Variants in HS3ST4 observed in about 807,000 individuals in gnomAD.
HS3ST4 encodes the protein heparan sulfate-glucosamine 3-sulfotransferase 4, also known as heparan sulfate glucosamine 3-O-sulfotransferase 4.
Under a neutral mutation model 29.2 loss-of-function variants are expected in HS3ST4, and 17 were observed. That is an observed-to-expected ratio of 0.58 (90% confidence interval 0.40 to 0.87). HS3ST4 has a LOEUF of 0.87. HS3ST4 is among the 40% of genes least tolerant of loss of function. HS3ST4 has a pLI of 0.00. For synonymous variants in HS3ST4, 314 were observed against 285.7 expected, an observed-to-expected ratio of 1.10 and a Z score of -1.00; for missense variants, 627 against 634.5, an observed-to-expected ratio of 0.99 and a Z score of 0.13.
At chr16:25,729,851 G>T (rs763308638) in intron 1 of HS3ST4, among the ~76,000 whole-genome samples, 5 of 152,228 alleles carry the variant, frequency 3.3e-5, no homozygotes, top group African/African-American at 9.6e-5. Flanking sequence ...TTCCAGCCTC[G>T]GGTACAGGTA....
chr16:25,869,681 A>G (rs574512879), intron 1 of HS3ST4, among the ~76,000 whole-genome samples: 1 of 152,314 alleles, frequency 6.6e-6, no homozygotes, highest in South Asian at 2.1e-4. Flanking sequence ...TTCCAAGCCT[A>G]GTATCAATTC....
At chr16:25,771,513 C>T (rs1347008427) in intron 1 of HS3ST4, among the ~76,000 whole-genome samples, 1 of 152,004 alleles carries the variant, frequency 6.6e-6, no homozygotes, top group Non-Finnish European at 1.5e-5. Context: ...CTCCTTTCCC[C>T]TTGGCAAACC....
In HS3ST4 at chr16:25,934,953, G is replaced by A. The variant is rs118044461; in HGVS notation, c.735-200659G>A. ...TTGAATTGTAATCCTTGCAATCCCC[G>A]CATGTTGAGGGACGGAAGTGATTGG... On this transcript the variant is annotated intron_variant, in intron 1 of 1. Transcript: ENST00000331351. Among the ~76,000 whole-genome samples the A allele has an allele frequency of 2.7e-3, 414 of 152,096 alleles. 1 individual carries two copies. The highest frequency in any genetic ancestry group is 4.1e-3 in the Non-Finnish European group (276 of 67,986).
In HS3ST4 at chr16:25,954,021, C is replaced by T. The variant is rs144256008; in HGVS notation, c.735-181591C>T. Reference sequence around the variant, plus strand: ...AAAGGGGAAGAGTCTCAGGTGCTTGCAAAAAGGAGCTATCTGAATGTTTAG... The same window carrying T: ...AAAGGGGAAGAGTCTCAGGTGCTTGTAAAAAGGAGCTATCTGAATGTTTAG... On this transcript the variant is annotated intron_variant, in intron 1 of 1. Transcript: ENST00000331351. Among the ~76,000 whole-genome samples, 87 of 152,028 alleles carry T rather than the reference C, an allele frequency of 5.7e-4. 1 individual carries two copies. The highest frequency in any genetic ancestry group is 1.9e-3 in the African/African-American group (79 of 41,448).
intron 1 of HS3ST4, among the ~76,000 whole-genome samples, chr16:26,014,147 A>G (rs1378916677): frequency 1.3e-5 from 2 of 152,132 alleles, no homozygotes; most frequent in African/African-American, 2.4e-5. Context: ...ATCTGAAATA[A>G]TATGAAATAG....
chr16:25,961,099 A>G (rs1344710557), intron 1 of HS3ST4, among the ~76,000 whole-genome samples: 2 of 152,194 alleles, frequency 1.3e-5, no homozygotes, highest in African/African-American at 4.8e-5. Flanking sequence ...GGACAGTTTA[A>G]TATATCTTCC....
At chr16:26,084,360 G>A (rs1898759476) in intron 1 of HS3ST4, among the ~76,000 whole-genome samples, 1 of 152,198 alleles carries the variant, frequency 6.6e-6, no homozygotes, top group Non-Finnish European at 1.5e-5. Flanking sequence ...AACACCGTCA[G>A]GGTCTGAAAA....
intron 1 of HS3ST4, among the ~76,000 whole-genome samples, chr16:26,011,032 G>T (rs1225243358): frequency 6.6e-6 from 1 of 152,146 alleles, no homozygotes; most frequent in East Asian, 1.9e-4. Context: ...TATACCTTAA[G>T]CTCAGCTATT....
chr16:25,924,448 T>C (rs539682257), intron 1 of HS3ST4, among the ~76,000 whole-genome samples: 1 of 152,350 alleles, frequency 6.6e-6, no homozygotes, highest in Non-Finnish European at 1.5e-5. Flanking sequence ...ACTGAAGTTA[T>C]AGCTGTGCTA....
chr16:25,930,271 A>G lies in HS3ST4; in HGVS notation c.735-205341A>G, dbSNP rs562072514. Reference sequence around the variant, plus strand: ...GAAGTGGCCTCACCTAAAGGATATAACTGTTTCTAGATAGTCCTGGATGGA... The same window carrying G: ...GAAGTGGCCTCACCTAAAGGATATAGCTGTTTCTAGATAGTCCTGGATGGA... On this transcript the variant is annotated intron_variant, in intron 1 of 1. Coordinates refer to ENST00000331351, the MANE Select transcript of HS3ST4 (RefSeq NM_006040.3). Among the ~76,000 whole-genome samples the G allele has an allele frequency of 3.6e-4, 55 of 152,290 alleles. 1 individual carries two copies. The South Asian group carries it at 0.011, about 31-fold the overall frequency.
chr16:25,935,990 C>A (rs1968513552), intron 1 of HS3ST4, among the ~76,000 whole-genome samples: 1 of 152,072 alleles, frequency 6.6e-6, no homozygotes, highest in Non-Finnish European at 1.5e-5. Context: ...GTCTCCTAAG[C>A]TGAACTTCTG....
At chr16:26,033,028 A>T (rs1969547041) in intron 1 of HS3ST4, among the ~76,000 whole-genome samples, 2 of 152,134 alleles carry the variant, frequency 1.3e-5, no homozygotes, top group African/African-American at 4.8e-5. Context: ...GGGAGGGTAT[A>T]TACGAGGTGG....
chr16:26,004,648 T>A (rs758662360), intron 1 of HS3ST4, among the ~76,000 whole-genome samples: 4 of 152,208 alleles, frequency 2.6e-5, no homozygotes, highest in Non-Finnish European at 4.4e-5. Flanking sequence ...GACTGGCTTA[T>A]GGAAGTATGA....
intron 1 of HS3ST4, among the ~76,000 whole-genome samples, chr16:25,739,444 G>A (rs891616630): frequency 1.3e-5 from 2 of 152,190 alleles, no homozygotes; most frequent in Non-Finnish European, 1.5e-5. Context: ...TAAGCCTCTG[G>A]TTACATGGCA....
intron 1 of HS3ST4, among the ~76,000 whole-genome samples, chr16:26,125,380 G>A (rs1899327630): frequency 6.6e-6 from 1 of 152,288 alleles, no homozygotes; most frequent in South Asian, 2.1e-4. Context: ...TAGATCTCTT[G>A]CTTCCGCAGT....
chr16:25,981,440 T>C (rs1192144966), intron 1 of HS3ST4, among the ~76,000 whole-genome samples: 1 of 152,098 alleles, frequency 6.6e-6, no homozygotes, highest in East Asian at 1.9e-4. Flanking sequence ...ACTAGCTTAC[T>C]CTTGGAGAGT....
At chr16:25,893,851 C>T (rs1471525255) in intron 1 of HS3ST4, among the ~76,000 whole-genome samples, 1 of 152,182 alleles carries the variant, frequency 6.6e-6, no homozygotes, top group East Asian at 1.9e-4. Flanking sequence ...AACATCCCAT[C>T]CCCGTTTAGG....
intron 1 of HS3ST4, among the ~76,000 whole-genome samples, chr16:26,109,027 T>C (rs1411327258): frequency 6.6e-6 from 1 of 152,080 alleles, no homozygotes; most frequent in Non-Finnish European, 1.5e-5. Flanking sequence ...ACCTAGATTA[T>C]ACAGGAACAA....
chr16:25,738,703 T>G (rs1040420937), intron 1 of HS3ST4, among the ~76,000 whole-genome samples: 2 of 152,144 alleles, frequency 1.3e-5, no homozygotes, highest in Non-Finnish European at 2.9e-5. Flanking sequence ...CCCTGGTCAC[T>G]TATTCACCGT....
Sources: allele counts gnomAD v4.1 joint callset (sites outside exome capture counted in the v4.1 genomes callset), GRCh38; gene constraint gnomAD v4.1.1; transcripts MANE v1.5; gene names NCBI Gene and HGNC (gene_info 2026-07-23, HGNC 2026-07-21).